UBE2H: variants seen among roughly 807,000 people sequenced by gnomAD.
The protein encoded by UBE2H is ubiquitin-conjugating enzyme E2 H.
Under a neutral mutation model 29.0 loss-of-function variants are expected in UBE2H, and 3 were observed. That is an observed-to-expected ratio of 0.10 (90% CI 0.05 to 0.27). The LOEUF is 0.27. Among genes scored for constraint, UBE2H ranks in the 10% least tolerant of loss-of-function variants. The probability of loss-of-function intolerance (pLI) is 1.00; values close to 1 mark genes in which losing one functional copy is unlikely to be tolerated. For synonymous variants in UBE2H, 69 were observed against 82.9 expected (o/e 0.83, Z 0.91); for missense variants, 68 against 228.2 (o/e 0.30, Z 4.52).
intron 1 of UBE2H, among the ~76,000 whole-genome samples, chr7:129,911,631 A>G (rs1033256466): frequency 1.6e-4 from 24 of 152,030 alleles, no homozygotes; most frequent in Non-Finnish European, 1.9e-4. Flanking sequence ...AAATGCACAT[A>G]TATGTTTTTT....
intron 3 of UBE2H, among the ~76,000 whole-genome samples, chr7:129,877,694 T>C (rs1272155881): frequency 6.6e-6 from 1 of 152,222 alleles, no homozygotes; most frequent in Non-Finnish European, 1.5e-5. Flanking sequence ...AAATTTCATA[T>C]TGCATCATTA....
chr7:129,913,456 TAGAAG>T (rs755408712), intron 1 of UBE2H, among the ~76,000 whole-genome samples: 33 of 152,118 alleles, frequency 2.2e-4, no homozygotes, highest in South Asian at 1.5e-3. Flanking sequence ...TCTTTTGTAA[TAGAAG>T]AGAAGAGCCA....
intron 3 of UBE2H, chr7:129,865,155 C>A (rs1805878649): frequency 1.7e-5 from 6 of 354,818 alleles, no homozygotes; most frequent in South Asian, 9.0e-5. Context: ...GAAAAATATG[C>A]CTTGCTTTTG....
intron 1 of UBE2H, among the ~76,000 whole-genome samples, chr7:129,903,451 GATA>G (rs1403275025): frequency 6.6e-6 from 1 of 152,138 alleles, no homozygotes; most frequent in Non-Finnish European, 1.5e-5. Context: ...GTAATTGTAG[GATA>G]TATTTCACAT....
intron 5 of UBE2H, among the ~76,000 whole-genome samples, chr7:129,845,383 C>T (rs541907901): frequency 1.8e-4 from 27 of 152,276 alleles, no homozygotes; most frequent in Non-Finnish European, 3.1e-4. Context: ...CCCCTATCCC[C>T]AAAGAATAGA....
intron 1 of UBE2H, among the ~76,000 whole-genome samples, chr7:129,932,581 T>C (rs1222532523): frequency 6.6e-6 from 1 of 150,936 alleles, no homozygotes; most frequent in Non-Finnish European, 1.5e-5. Context: ...GAGACCACGC[T>C]GGCTAACACA....
intron 5 of UBE2H, among the ~76,000 whole-genome samples, chr7:129,846,672 C>A (rs1805517309): frequency 6.6e-6 from 1 of 152,206 alleles, no homozygotes; most frequent in Non-Finnish European, 1.5e-5. Flanking sequence ...AATTAGCACA[C>A]AGGCAGTCAT....
At chr7:129,837,182 G>A (rs1352363711) in intron 6 of UBE2H, among the ~76,000 whole-genome samples, 1 of 152,254 alleles carries the variant, frequency 6.6e-6, no homozygotes, top group East Asian at 1.9e-4. Flanking sequence ...CAGCTTGGGA[G>A]AGAGGCCAGG....
At chr7:129,889,458 T>C (rs1368060106) in intron 1 of UBE2H, among the ~76,000 whole-genome samples, 1 of 152,230 alleles carries the variant, frequency 6.6e-6, no homozygotes, top group Non-Finnish European at 1.5e-5. Context: ...AATCTTCTAA[T>C]TTCTAATTCA....
chr7:129,928,166 A>G (rs1224947772), intron 1 of UBE2H, among the ~76,000 whole-genome samples: 1 of 151,912 alleles, frequency 6.6e-6, no homozygotes, highest in Admixed American at 6.6e-5. Context: ...CCCTGTGCCT[A>G]CTAAAAATAC....
intron 1 of UBE2H, among the ~76,000 whole-genome samples, chr7:129,905,292 A>T (rs1227060936): frequency 6.6e-6 from 1 of 151,868 alleles, no homozygotes; most frequent in Non-Finnish European, 1.5e-5. Flanking sequence ...GTCACAACAG[A>T]TCTACGATGA....
chr7:129,937,068 G>A (rs756740574), intron 1 of UBE2H, among the ~76,000 whole-genome samples: 6 of 151,988 alleles, frequency 3.9e-5, no homozygotes, highest in African/African-American at 1.5e-4. Flanking sequence ...GGTGGCTCGC[G>A]CCTGTAGTCC....
intron 3 of UBE2H, among the ~76,000 whole-genome samples, chr7:129,868,496 C>T (rs1485236839): frequency 1.4e-5 from 2 of 138,438 alleles, no homozygotes; most frequent in African/African-American, 5.4e-5. Context: ...AGGAGAATGG[C>T]GTGAACCCGG....
At chr7:129,892,366 C>T (rs1806513629) in intron 1 of UBE2H, among the ~76,000 whole-genome samples, 1 of 152,140 alleles carries the variant, frequency 6.6e-6, no homozygotes, top group African/African-American at 2.4e-5. Context: ...ATTCTCCTTC[C>T]TCAGCCTCCT....
rs573686531 is a variant in UBE2H, at chr7:129,876,497, T to C, written c.205+3071A>G. Among the ~76,000 whole-genome samples, 3 of 152,346 alleles carry C rather than the reference T, an allele frequency of 2.0e-5. No homozygotes were observed. In the East Asian group the frequency reaches 5.8e-4, roughly 29 times the overall value. Reference sequence around the variant, plus strand: ...CAGTCTCTCTGGAAAATTATGCAAATATTCAGCGATGTTATAGTTGATTAA... The same window carrying C: ...CAGTCTCTCTGGAAAATTATGCAAACATTCAGCGATGTTATAGTTGATTAA... On this transcript the variant is annotated intron_variant, in intron 3 of 6. Transcript: ENST00000355621.
At chr7:129,840,830 C>T (rs936644244) in intron 5 of UBE2H, among the ~76,000 whole-genome samples, 1 of 152,180 alleles carries the variant, frequency 6.6e-6, no homozygotes, top group Non-Finnish European at 1.5e-5. Flanking sequence ...ACCAATTTTG[C>T]TTTTAACAAT....
intron 1 of UBE2H, among the ~76,000 whole-genome samples, chr7:129,917,303 C>T (rs1401051586): frequency 6.6e-6 from 1 of 152,210 alleles, no homozygotes; most frequent in East Asian, 1.9e-4. Flanking sequence ...TCCAACTGAT[C>T]CAGCCCACTT....
chr7:129,845,676 T>C (rs1805499277), intron 5 of UBE2H, among the ~76,000 whole-genome samples: 1 of 152,134 alleles, frequency 6.6e-6, no homozygotes, highest in Admixed American at 6.5e-5. Context: ...CAGAGAAAAT[T>C]CCATTAGGCT....
At chr7:129,951,497 A>C (rs979316202) in intron 1 of UBE2H, among the ~76,000 whole-genome samples, 12 of 152,100 alleles carry the variant, frequency 7.9e-5, no homozygotes, top group African/African-American at 2.9e-4. Flanking sequence ...CAAAAAAAAA[A>C]AATTCTCGAT....
Sources: gnomAD v4.1 joint callset for allele counts (sites outside exome capture counted in the v4.1 genomes callset) on GRCh38, gnomAD v4.1.1 for gene constraint, MANE v1.5 for transcripts, NCBI Gene and HGNC (gene_info 2026-07-23, HGNC 2026-07-21) for gene names.